Variants in DLG2 observed in about 807,000 individuals in gnomAD.
The protein encoded by DLG2 is disks large homolog 2.
Under a neutral mutation model 132.5 loss-of-function variants are expected in DLG2, and 45 were observed. The observed-to-expected ratio is 0.34, with a 90% CI of 0.27 to 0.44. The LOEUF is 0.44. Among genes scored for constraint, DLG2 ranks in the 20% least tolerant of loss-of-function variants. The pLI is 1.00. For synonymous variants in DLG2, 424 were observed against 419.6 expected (o/e 1.01, Z -0.13); for missense variants, 1,045 against 1,196.9 (o/e 0.87, Z 1.87).
chr11:84,730,238 T>C (rs2062994981), intron 6 of DLG2, among the ~76,000 whole-genome samples: 1 of 152,038 alleles, frequency 6.6e-6, no homozygotes. Flanking sequence ...TTACTTAATC[T>C]GAAAGTTAAT....
intron 6 of DLG2, among the ~76,000 whole-genome samples, chr11:84,642,128 G>A: frequency 6.8e-6 from 1 of 147,010 alleles, no homozygotes; most frequent in Admixed American, 7.0e-5. Context: ...GTGTGTGTGT[G>A]TGTGTGTGTG....
chr11:83,519,771 C>T (rs1244558213), intron 21 of DLG2, among the ~76,000 whole-genome samples: 1 of 152,206 alleles, frequency 6.6e-6, no homozygotes, highest in African/African-American at 2.4e-5. Flanking sequence ...TCAGGCAGCT[C>T]ATGGGATGAG....
intron 7 of DLG2, among the ~76,000 whole-genome samples, chr11:84,293,792 G>T (rs2098044758): frequency 6.6e-6 from 1 of 152,216 alleles, no homozygotes; most frequent in African/African-American, 2.4e-5. Context: ...CTGAAGTGAA[G>T]AGATGATTAT....
intron 5 of DLG2, among the ~76,000 whole-genome samples, chr11:85,131,046 G>A (rs779895564): frequency 1.3e-5 from 2 of 151,848 alleles, no homozygotes; most frequent in African/African-American, 2.4e-5. Context: ...TTGTTGATTC[G>A]TATAATTTAT....
chr11:84,206,418 T>A (rs2096666142), intron 8 of DLG2, among the ~76,000 whole-genome samples: 1 of 152,026 alleles, frequency 6.6e-6, no homozygotes, highest in Non-Finnish European at 1.5e-5. Context: ...AGTCTGATAA[T>A]ATAACCTGAC....
intron 6 of DLG2, among the ~76,000 whole-genome samples, chr11:84,747,635 G>A (rs1479498359): frequency 6.6e-6 from 1 of 152,162 alleles, no homozygotes; most frequent in Non-Finnish European, 1.5e-5. Context: ...CTAAGGTACT[G>A]AATAATTATT....
rs182118810 is a variant in DLG2 at position 83,534,662 on chromosome 11, C to T, written c.2118-1879G>A. Among the ~76,000 whole-genome samples the T allele has an allele frequency of 2.5e-3, 378 of 152,252 alleles. 1 individual carries two copies. Among genetic ancestry groups the T allele is most frequent in the Non-Finnish European group, 4.2e-3 (285 of 68,014 alleles). ...TATTAAAACAATGTAAGGCCGGGTGCGGTGGCTCACGCCTGTAATCCCAGC... is the reference window on the plus strand; with the variant it reads ...TATTAAAACAATGTAAGGCCGGGTGTGGTGGCTCACGCCTGTAATCCCAGC... On this transcript the variant is annotated intron_variant, in intron 20 of 27. Coordinates refer to ENST00000376104, the MANE Select transcript of DLG2 (RefSeq NM_001142699.3).
At chr11:83,883,326 T>C (rs1349986339) in intron 15 of DLG2, among the ~76,000 whole-genome samples, 1 of 152,200 alleles carries the variant, frequency 6.6e-6, no homozygotes, top group African/African-American at 2.4e-5. Flanking sequence ...AATTGACTTG[T>C]AAGGCCAGAA....
intron 19 of DLG2, among the ~76,000 whole-genome samples, chr11:83,604,016 A>C (rs893801323): frequency 1.3e-5 from 2 of 152,230 alleles, no homozygotes; most frequent in Admixed American, 6.5e-5. Flanking sequence ...AGCTAAAAAT[A>C]TAGATAGATT....
At chr11:85,121,144 A>G (rs993884810) in intron 5 of DLG2, among the ~76,000 whole-genome samples, 1 of 152,012 alleles carries the variant, frequency 6.6e-6, no homozygotes, top group Non-Finnish European at 1.5e-5. Flanking sequence ...AAACCAGTAT[A>G]AAAAAGTAGC....
intron 6 of DLG2, among the ~76,000 whole-genome samples, chr11:85,028,761 G>A (rs1428713782): frequency 1.3e-5 from 2 of 152,136 alleles, no homozygotes; most frequent in Non-Finnish European, 2.9e-5. Context: ...ACACTTCCCA[G>A]CCCCTGAAAG....
chr11:85,371,348 C>T (rs532885968), intron 3 of DLG2, among the ~76,000 whole-genome samples: 13 of 151,858 alleles, frequency 8.6e-5, no homozygotes, highest in East Asian at 5.8e-4. Context: ...GGACTATTTA[C>T]GGCCTTTAAT....
intron 11 of DLG2, among the ~76,000 whole-genome samples, chr11:83,986,759 G>A (rs1465299934): frequency 2.0e-5 from 3 of 152,194 alleles, no homozygotes; most frequent in African/African-American, 7.2e-5. Flanking sequence ...ATTCTAACTG[G>A]TGTGAGATGG....
At chr11:83,920,901 G>GAT (rs1406267218) in intron 15 of DLG2, among the ~76,000 whole-genome samples, 1 of 152,076 alleles carries the variant, frequency 6.6e-6, no homozygotes, top group African/African-American at 2.4e-5. Flanking sequence ...GTCATCTGTT[G>GAT]ATATATCACC....
chr11:83,590,526 C>A (rs929125079), intron 19 of DLG2, among the ~76,000 whole-genome samples: 2 of 151,732 alleles, frequency 1.3e-5, no homozygotes, highest in Non-Finnish European at 2.9e-5. Context: ...TAAATGCCCA[C>A]AAGAGAAAGC....
chr11:83,783,673 A>T (rs2094926571), intron 18 of DLG2, among the ~76,000 whole-genome samples: 1 of 152,118 alleles, frequency 6.6e-6, no homozygotes, highest in South Asian at 2.1e-4. Context: ...AAATATAGGT[A>T]TGGTGTCTGC....
chr11:84,165,788 C>T (rs1002259043), intron 8 of DLG2, among the ~76,000 whole-genome samples: 1 of 152,112 alleles, frequency 6.6e-6, no homozygotes, highest in Non-Finnish European at 1.5e-5. Flanking sequence ...GTCCCAGCTA[C>T]TTCAGAGGCT....
chr11:84,018,366 A>C (rs1389340853), intron 11 of DLG2, among the ~76,000 whole-genome samples: 1 of 152,020 alleles, frequency 6.6e-6, no homozygotes, highest in East Asian at 1.9e-4. Flanking sequence ...CATTATCTTG[A>C]GAACTGGGTA....
intron 11 of DLG2, among the ~76,000 whole-genome samples, chr11:83,986,414 AT>A (rs1489365575): frequency 2.0e-5 from 3 of 151,570 alleles, no homozygotes; most frequent in Non-Finnish European, 4.4e-5. Context: ...GCTGCATAGT[AT>A]TCCATGGTGT....
Sources: gnomAD v4.1 joint callset for allele counts (sites outside exome capture counted in the v4.1 genomes callset) on GRCh38, gnomAD v4.1.1 for gene constraint, MANE v1.5 for transcripts, NCBI Gene and HGNC (gene_info 2026-07-23, HGNC 2026-07-21) for gene names.